ATP10B: variants seen among roughly 807,000 people sequenced by gnomAD.
ATP10B encodes the protein phospholipid-transporting ATPase VB.
Under a neutral mutation model 141.2 loss-of-function variants are expected in ATP10B, and 122 were observed. The observed-to-expected ratio is 0.86, with a 90% confidence interval of 0.75 to 1.00. The LOEUF (loss-of-function observed/expected upper bound fraction) is 1.00. ATP10B is among the 50% of genes least tolerant of loss of function. The pLI is 0.00. For synonymous variants in ATP10B, 685 were observed against 692.0 expected, an observed-to-expected ratio of 0.99 and a Z score of 0.16; for missense variants, 1,876 against 1,825.3, an observed-to-expected ratio of 1.03 and a Z score of -0.51.
intron 6 of ATP10B, among the ~76,000 whole-genome samples, chr5:160,680,639 C>G (rs1272145303): frequency 6.6e-6 from 1 of 152,198 alleles, no homozygotes; most frequent in African/African-American, 2.4e-5. Context: ...ATCTGTTCCT[C>G]ATTCTGCTGG....
At chr5:160,744,071 G>A (rs561268949) in intron 2 of ATP10B, among the ~76,000 whole-genome samples, 6 of 152,214 alleles carry the variant, frequency 3.9e-5, no homozygotes, top group African/African-American at 9.6e-5. Flanking sequence ...TTTTATCAGT[G>A]AAGTATTGAA....
chr5:160,847,705 A>G (rs1776212800), intron 1 of ATP10B, among the ~76,000 whole-genome samples: 2 of 152,216 alleles, frequency 1.3e-5, no homozygotes, highest in Non-Finnish European at 2.9e-5. Context: ...ACTTGACAGC[A>G]AAGGACAAAC....
chr5:160,811,996 G>GAGAGAC lies in ATP10B; in HGVS notation c.-575-26199_-575-26194dup, dbSNP rs1295867615. On this transcript the variant is annotated intron_variant, in intron 1 of 25. Transcript: ENST00000327245. ...CCCCAGCTCCAGACAGCTCTGAACA[G>GAGAGAC]AGAGACAGAGACAGAGACAGAGACA... 9.4e-3 allele frequency among the ~76,000 whole-genome samples: 1,355 copies of GAGAGAC among 144,772 alleles called. 29 individuals are homozygous for GAGAGAC. Among genetic ancestry groups the GAGAGAC allele is most frequent in the East Asian group, 0.087 (407 of 4,704 alleles). The allele number at this position is 144,772 out of a possible 152,430, so 95.0% of individuals were successfully genotyped here.
chr5:160,719,183 G>A (rs1266687009), intron 2 of ATP10B, among the ~76,000 whole-genome samples: 2 of 152,116 alleles, frequency 1.3e-5, no homozygotes, highest in African/African-American at 2.4e-5. Context: ...GGCGGATCAC[G>A]AGGTCAGGAG....
chr5:160,729,133 C>A (rs1201503385), intron 2 of ATP10B, among the ~76,000 whole-genome samples: 1 of 152,026 alleles, frequency 6.6e-6, no homozygotes, highest in East Asian at 1.9e-4. Flanking sequence ...TTGTTAGGCC[C>A]CTTAGGGCTT....
At chr5:160,567,941 T>C (rs988957917) in intron 25 of ATP10B, among the ~76,000 whole-genome samples, 7 of 152,088 alleles carry the variant, frequency 4.6e-5, no homozygotes, top group African/African-American at 1.7e-4. Context: ...AAATAGTAGA[T>C]GGGTTTGAGA....
chr5:160,872,694 G>C, the ATP10B span, among the ~76,000 whole-genome samples: 17 of 152,090 alleles, frequency 1.1e-4, no homozygotes, highest in African/African-American at 3.9e-4. Flanking sequence ...TAAGTATTTT[G>C]GTTTATTTCA....
chr5:160,741,251 G>C (rs932381616), intron 2 of ATP10B, among the ~76,000 whole-genome samples: 1 of 152,190 alleles, frequency 6.6e-6, no homozygotes, highest in Non-Finnish European at 1.5e-5. Flanking sequence ...CTGAAGAAAT[G>C]CTTCAGTAAA....
rs778614401 is a variant in ATP10B at position 160,688,069 on chromosome 5, G to A, written c.6C>T (p.Ala2=). ...GATGCCACGATGAGTCCACTGAGAG[G>A]GCCATTTCCAGCAGCAGGCGAAGAT... M[A]LSVDSSWHRW... Residue 2 remains alanine (A), a synonymous_variant, in exon 5 of 26, where the codon GCC becomes GCT. Transcript: ENST00000327245. The A allele has an allele frequency of 8.1e-6, 13 of 1,611,638 alleles. 1 individual carries two copies. In the Admixed American group the frequency reaches 1.8e-4, roughly 23 times the overall value.
chr5:160,777,786 AG>A (rs1770440813), intron 2 of ATP10B, among the ~76,000 whole-genome samples: 1 of 152,232 alleles, frequency 6.6e-6, no homozygotes, highest in Non-Finnish European at 1.5e-5. Flanking sequence ...TAAAAGGAAA[AG>A]ATTTAAATCA....
At chr5:160,593,627 A>C (rs948651754) in intron 22 of ATP10B, among the ~76,000 whole-genome samples, 4 of 152,224 alleles carry the variant, frequency 2.6e-5, no homozygotes, top group Non-Finnish European at 5.9e-5. Context: ...TACAGGAGGA[A>C]ATTCAAACCA....
intron 1 of ATP10B, among the ~76,000 whole-genome samples, chr5:160,823,689 C>G (rs934416034): frequency 6.6e-6 from 1 of 151,986 alleles, no homozygotes; most frequent in Non-Finnish European, 1.5e-5. Context: ...AAAAAATTAG[C>G]CAGGCGTGGT....
In ATP10B at chr5:160,841,176, G is replaced by A. The variant is rs115340505; in HGVS notation, c.-576+10765C>T. ...GAAACTACCAAAATGTCTGAGCATAGGACACTGATTAAACTATAACCCCAT... is the reference window on the plus strand; with the variant it reads ...GAAACTACCAAAATGTCTGAGCATAAGACACTGATTAAACTATAACCCCAT... On this transcript the variant is annotated intron_variant, in intron 1 of 25. Coordinates refer to ENST00000327245, the MANE Select transcript of ATP10B (RefSeq NM_025153.3). Among the ~76,000 whole-genome samples, 598 of 152,168 alleles carry A rather than the reference G, an allele frequency of 3.9e-3. 4 individuals carry two copies. Among genetic ancestry groups the A allele is most frequent in the African/African-American group, 0.014 (564 of 41,502 alleles).
intron 1 of ATP10B, among the ~76,000 whole-genome samples, chr5:160,848,847 G>T (rs1034792178): frequency 6.6e-6 from 1 of 152,200 alleles, no homozygotes; most frequent in African/African-American, 2.4e-5. Context: ...ATCACCTAAA[G>T]TCATCTTTGT....
intron 3 of ATP10B, 67 bp from the exon 4 acceptor site, chr5:160,689,010 C>T: frequency 4.6e-6 from 4 of 875,160 alleles, no homozygotes; most frequent in Non-Finnish European, 5.5e-6. Context: ...CTTTACAGCA[C>T]ATCAAAAAGC....
At chr5:160,773,818 G>GTCTTATT (rs1561839327) in intron 2 of ATP10B, among the ~76,000 whole-genome samples, 2 of 150,084 alleles carry the variant, frequency 1.3e-5, no homozygotes, top group East Asian at 4.2e-4. Context: ...CTGGCAGACA[G>GTCTTATT]TCTTATTGTG....
chr5:160,709,651 C>A (rs1765239344), intron 3 of ATP10B, among the ~76,000 whole-genome samples: 1 of 136,188 alleles, frequency 7.3e-6, no homozygotes. Context: ...GGTACATGTG[C>A]ACATTGTGCA....
chr5:160,731,848 C>A (rs920676333), intron 2 of ATP10B, among the ~76,000 whole-genome samples: 2 of 152,118 alleles, frequency 1.3e-5, no homozygotes, highest in African/African-American at 4.8e-5. Flanking sequence ...AGATGGGAGC[C>A]ACTGCCCACC....
In ATP10B at chr5:160,717,022, T is replaced by C. The variant is rs1428339070; in HGVS notation, c.-318A>G. 8.1e-6 allele frequency: 8 copies of C among 985,314 alleles called. No homozygotes were observed. The highest frequency in any genetic ancestry group is 3.5e-5 in the African/African-American group (2 of 57,258). 61.0% of individuals were successfully genotyped at this position (985,314 alleles called of 1,614,324 possible). On this transcript the variant is annotated 5_prime_UTR_variant, in exon 3 of 26. Coordinates refer to ENST00000327245, the MANE Select transcript of ATP10B (RefSeq NM_025153.3). ...TAGCTGGGCAAATTGTTGATCAGAA[T>C]AAATTGCAAGTTCTGTAAGCAAGAA...
Sources: gnomAD v4.1 joint callset for allele counts (sites outside exome capture counted in the v4.1 genomes callset) on GRCh38, gnomAD v4.1.1 for gene constraint, MANE v1.5 for transcripts, NCBI Gene and HGNC (gene_info 2026-07-23, HGNC 2026-07-21) for gene names.